EXOSC7: variants seen among roughly 807,000 people sequenced by gnomAD.
The protein encoded by EXOSC7 is exosome complex component RRP42.
In EXOSC7, 25 loss-of-function variants were observed where a neutral mutation model predicts 34.3. The ratio of observed to expected loss-of-function variants is 0.73; its 90% CI spans 0.53 to 1.02. The LOEUF (loss-of-function observed/expected upper bound fraction) is 1.02. Ranked by LOEUF, EXOSC7 falls within the 50% of genes least tolerant of loss-of-function variation. The pLI is 0.00. For synonymous variants in EXOSC7, 130 were observed against 143.0 expected (o/e 0.91, Z 0.65); for missense variants, 370 against 368.5 (o/e 1.00, Z -0.03).
At chr3:45,004,843 T>C (rs1706989015) in intron 5 of EXOSC7, 1 of 152,856 alleles carries the variant, frequency 6.5e-6, no homozygotes, top group Admixed American at 6.5e-5. Context: ...TTAAATGATG[T>C]CTTCTGATAT....
downstream of EXOSC7, among the ~76,000 whole-genome samples, chr3:45,011,649 T>C (rs151334870): frequency 6.6e-6 from 1 of 152,178 alleles, no homozygotes; most frequent in African/African-American, 2.4e-5. Context: ...GCTTATGATA[T>C]GTATTTTGTG....
In EXOSC7 at chr3:44,985,476, G is replaced by A. The variant is rs550496200; in HGVS notation, c.58-3664G>A. Reference sequence around the variant, plus strand: ...GGAGTTTCTTCCTTCTGGTGGGTTCGTGGTCTCGCTGGCTCAGGAGTGAAG... The same window carrying A: ...GGAGTTTCTTCCTTCTGGTGGGTTCATGGTCTCGCTGGCTCAGGAGTGAAG... On this transcript the variant is annotated intron_variant, in intron 1 of 7. Transcript: ENST00000265564. Among the ~76,000 whole-genome samples, 11 of 152,038 alleles carry A rather than the reference G, an allele frequency of 7.2e-5. No individual in the cohort carries two copies. The East Asian group carries it at 1.7e-3, about 24-fold the overall frequency.
chr3:45,011,363 T>C lies in EXOSC7; in HGVS notation c.*24T>C. 2.1e-6 allele frequency: 3 copies of C among 1,446,906 alleles called. No homozygotes were observed. The South Asian group carries it at 3.6e-5, about 17-fold the overall frequency. The allele number at this position is 1,446,906 out of a possible 1,614,324, so 89.6% of individuals were successfully genotyped here. On this transcript the variant is annotated 3_prime_UTR_variant, in exon 8 of 8. Transcript: ENST00000265564. ...GATTTGCACATCAACTGCTCAACTGTGGATTGTTTTTTACTTTTCCTTTTA... is the reference window on the plus strand; with the variant it reads ...GATTTGCACATCAACTGCTCAACTGCGGATTGTTTTTTACTTTTCCTTTTA...
chr3:44,989,178 C>A lies in EXOSC7; in HGVS notation c.96C>A (p.Tyr32Ter), dbSNP rs747463294. ...TGGATGGCCGTGGCTGTGAGGACTA[C>A]CGATGTGTCGAAGTGGAAACTGATG... is the stretch of plus-strand genomic sequence containing the variant. ...LRVDGRGCED[Y>*]RCVEVETDVV... The change falls in exon 2 of 8, where the codon TAC becomes TAA. Residue 32 changes from tyrosine to a stop codon, truncating the protein, a stop_gained. Coordinates refer to ENST00000265564, the MANE Select transcript of EXOSC7 (RefSeq NM_015004.4). LOFTEE classifies it high-confidence loss of function. 6.2e-7 allele frequency: 1 copy of A among 1,614,096 alleles called. No individual in the cohort carries two copies. The highest frequency in any genetic ancestry group is 2.2e-5 in the East Asian group (1 of 44,880).
chr3:44,977,676 T>C (rs1012069659), intron 1 of EXOSC7, among the ~76,000 whole-genome samples: 10 of 152,230 alleles, frequency 6.6e-5, no homozygotes, highest in African/African-American at 2.4e-4. Context: ...CCTGCTATAT[T>C]TTTGTATACA....
intron 3 of EXOSC7, among the ~76,000 whole-genome samples, chr3:44,990,860 G>T (rs1706551409): frequency 6.6e-6 from 1 of 152,200 alleles, no homozygotes; most frequent in African/African-American, 2.4e-5. Flanking sequence ...CCGGATGCCA[G>T]CCAAGGGCCA....
chr3:44,983,285 G>A lies in EXOSC7; in HGVS notation c.58-5855G>A, dbSNP rs144922901. Among the ~76,000 whole-genome samples the A allele has an allele frequency of 3.4e-3, 516 of 152,322 alleles. 2 individuals are homozygous for A. The highest frequency in any genetic ancestry group is 4.5e-3 in the Non-Finnish European group (303 of 68,018). Reference sequence around the variant, plus strand: ...TCTCAGGGTTGTTTTTGAGGATGCAGTGAGTTAATGCATGCCCCCAGAAGC... The same window carrying A: ...TCTCAGGGTTGTTTTTGAGGATGCAATGAGTTAATGCATGCCCCCAGAAGC... On this transcript the variant is annotated intron_variant, in intron 1 of 7. Coordinates refer to ENST00000265564, the MANE Select transcript of EXOSC7 (RefSeq NM_015004.4).
Position 45,007,426 on chromosome 3 carries a change from TA to T in EXOSC7, c.623del (p.Tyr208PhefsTer23). 6.2e-7 allele frequency: 1 copy of T among 1,614,136 alleles called. No individual in the cohort carries two copies. The highest frequency in any genetic ancestry group is 2.2e-5 in the East Asian group (1 of 44,878). On this transcript the variant is annotated frameshift_variant, in exon 7 of 8. Coordinates refer to ENST00000265564, the MANE Select transcript of EXOSC7 (RefSeq NM_015004.4). LOFTEE classifies it high-confidence loss of function. Reference protein sequence around the residue: ...PCIVTLCKIGYRHVVDATLQE... With the variant: ...PCIVTLCKIGXRHVVDATLQE... ...ACGCACCCTGCCTTTGCAGATTGGC[TA>T]TCGGCATGTGGTGGATGCTACTCTT...
At position 45,011,317 on chromosome 3, in the gene EXOSC7, A is replaced by G. The variant is rs1707206890; in HGVS notation, c.854A>G (p.Gln285Arg). ...GAAGAAAGCCTGGGGCCCAAGAGAC[A>G]GAAAGTTGGATTCCTGGGATGATTT... ...HKEESLGPKRQKVGFLG is the reference protein window; with the variant it reads ...HKEESLGPKRRKVGFLG Residue 285 changes from glutamine (Q) to arginine (R), a missense_variant, in exon 8 of 8, where the codon CAG becomes CGG. Transcript: ENST00000265564. 1.9e-6 allele frequency: 3 copies of G among 1,612,268 alleles called. No homozygotes were observed. The highest frequency in any genetic ancestry group is 2.5e-6 in the Non-Finnish European group (3 of 1,178,840).
intron 1 of EXOSC7, among the ~76,000 whole-genome samples, 170 bp from the exon 2 acceptor site, chr3:44,988,970 T>C (rs554656520): frequency 1.2e-4 from 18 of 152,314 alleles, no homozygotes; most frequent in African/African-American, 4.3e-4. Context: ...CATTTCCTCA[T>C]ATGTAAAATA....
chr3:45,005,511 A>G, intron 6 of EXOSC7, 97 bp downstream of exon 6: 1 of 1,255,616 alleles, frequency 8.0e-7, no homozygotes, highest in Non-Finnish European at 1.1e-6. Flanking sequence ...AGAAGTTGTA[A>G]TACCACACAC....
At chr3:44,980,993 C>T (rs554093804) in intron 1 of EXOSC7, among the ~76,000 whole-genome samples, 2 of 152,202 alleles carry the variant, frequency 1.3e-5, no homozygotes, top group Non-Finnish European at 2.9e-5. Context: ...GTGTTTTCCT[C>T]ATCCATGAGA....
intron 1 of EXOSC7, among the ~76,000 whole-genome samples, chr3:44,986,024 C>T (rs2125963452): frequency 6.6e-6 from 1 of 152,296 alleles, no homozygotes; most frequent in East Asian, 1.9e-4. Context: ...CTCCAAGTCC[C>T]CATCAGACTC....
In EXOSC7 at chr3:44,997,156, C is replaced by G; in HGVS notation, c.324C>G (p.Thr108=). 6.2e-7 allele frequency: 1 copy of G among 1,613,914 alleles called. No homozygotes were observed. The change falls in exon 4 of 8, where the codon ACC becomes ACG. Residue 108 remains threonine (T), a synonymous_variant. Coordinates refer to ENST00000265564, the MANE Select transcript of EXOSC7 (RefSeq NM_015004.4). ...GDDLGTEIAN[T]LYRIFNNKSS... ...ACCTTGGCACCGAGATCGCTAACAC[C>G]CTCTATCGGATATTTAACAATAAAA...
At position 44,993,920 on chromosome 3, in the gene EXOSC7, C is replaced by G. The variant is rs532971355; in HGVS notation, c.255-3167C>G. 1.3e-3 allele frequency among the ~76,000 whole-genome samples: 204 copies of G among 152,240 alleles called. 1 individual carries two copies. The highest frequency in any genetic ancestry group is 4.6e-3 in the African/African-American group (193 of 41,546). On this transcript the variant is annotated intron_variant, in intron 3 of 7. Coordinates refer to ENST00000265564, the MANE Select transcript of EXOSC7 (RefSeq NM_015004.4). Reference sequence around the variant, plus strand: ...GTTGTCTAGTGATAAGTTCCAAGACCAAAGCATACATTCATTTCCCTGAGG... The same window carrying G: ...GTTGTCTAGTGATAAGTTCCAAGACGAAAGCATACATTCATTTCCCTGAGG...
At chr3:45,005,204 C>G (rs942803263) in intron 5 of EXOSC7, 87 bp from the exon 6 acceptor site, 2 of 1,464,604 alleles carry the variant, frequency 1.4e-6, no homozygotes, top group African/African-American at 1.4e-5. Flanking sequence ...TTGTGAGACA[C>G]AGGGATTCCA....
chr3:44,983,164 G>T (rs1338920145), intron 1 of EXOSC7, among the ~76,000 whole-genome samples: 1 of 152,128 alleles, frequency 6.6e-6, no homozygotes, highest in Non-Finnish European at 1.5e-5. Context: ...GGGCTTCCTG[G>T]GTGTGAGGGA....
At chr3:44,993,852 T>C (rs904000183) in intron 3 of EXOSC7, among the ~76,000 whole-genome samples, 1 of 152,236 alleles carries the variant, frequency 6.6e-6, no homozygotes, top group Non-Finnish European at 1.5e-5. Context: ...AGCAGCTTTT[T>C]ATTTAGGGCT....
chr3:45,010,554 G>A (rs1443197342), intron 7 of EXOSC7, among the ~76,000 whole-genome samples: 1 of 152,136 alleles, frequency 6.6e-6, no homozygotes, highest in Admixed American at 6.6e-5. Context: ...CAGCCATATT[G>A]AGTTTTTTTG....
Sources: gnomAD v4.1 joint callset for allele counts (sites outside exome capture counted in the v4.1 genomes callset) on GRCh38, gnomAD v4.1.1 for gene constraint, MANE v1.5 for transcripts, NCBI Gene and HGNC (gene_info 2026-07-23, HGNC 2026-07-21) for gene names.